Variants in SYT10 observed in about 807,000 individuals in gnomAD.
SYT10 encodes synaptotagmin 10.
SYT10 carries 31 observed loss-of-function variants against 51.1 expected under a neutral mutation model. The observed-to-expected ratio is 0.61, with a 90% CI of 0.46 to 0.82. SYT10 has a LOEUF of 0.82. SYT10 is among the 40% of genes least tolerant of loss of function. The probability of loss-of-function intolerance (pLI) is 0.00; values close to 1 mark genes in which losing one functional copy is unlikely to be tolerated. For missense variants in SYT10, 603 were observed against 634.0 expected (o/e 0.95, Z 0.53); for synonymous variants, 233 against 225.9 (o/e 1.03, Z -0.28).
chr12:33,397,791 G>A (rs917778365), intron 3 of SYT10, among the ~76,000 whole-genome samples: 44 of 152,080 alleles, frequency 2.9e-4, no homozygotes, highest in Admixed American at 5.2e-4. Context: ...CCAAGGAAGA[G>A]AATATGAATC....
At chr12:33,403,929 T>C (rs1372618230) in intron 3 of SYT10, among the ~76,000 whole-genome samples, 2 of 152,222 alleles carry the variant, frequency 1.3e-5, no homozygotes, top group African/African-American at 2.4e-5. Context: ...CATTATTATG[T>C]TCCCAAACAA....
intron 3 of SYT10, 95 bp from the exon 4 acceptor site, chr12:33,385,386 T>G: frequency 6.7e-7 from 1 of 1,494,616 alleles, no homozygotes; most frequent in Non-Finnish European, 9.0e-7. Flanking sequence ...TCATTTTAAA[T>G]TGTTTTATTG....
chr12:33,422,830 T>C (rs890887025), intron 2 of SYT10, among the ~76,000 whole-genome samples: 2 of 152,156 alleles, frequency 1.3e-5, no homozygotes, highest in Non-Finnish European at 2.9e-5. Flanking sequence ...CTGGCACTTG[T>C]AATTCCTTAT....
At chr12:33,401,412 C>T (rs1481270820) in intron 3 of SYT10, among the ~76,000 whole-genome samples, 1 of 152,064 alleles carries the variant, frequency 6.6e-6, no homozygotes, top group Non-Finnish European at 1.5e-5. Context: ...AGGGTGATTG[C>T]TAAAGTGAAA....
chr12:33,425,102 A>C (rs1408801610), intron 2 of SYT10, among the ~76,000 whole-genome samples: 4 of 152,172 alleles, frequency 2.6e-5, no homozygotes, highest in African/African-American at 9.6e-5. Flanking sequence ...CAATTCTAGT[A>C]ACCAATATGA....
At chr12:33,421,246 T>C (rs569133669) in intron 2 of SYT10, among the ~76,000 whole-genome samples, 11 of 152,316 alleles carry the variant, frequency 7.2e-5, no homozygotes, top group Non-Finnish European at 1.0e-4. Context: ...TATTGTAAAT[T>C]CATCAGCACA....
At position 33,390,604 on chromosome 12, in the gene SYT10, T is replaced by C. The variant is rs189465207; in HGVS notation, c.1078-5313A>G. Among the ~76,000 whole-genome samples, 172 of 152,224 alleles carry C rather than the reference T, an allele frequency of 1.1e-3. 1 individual carries two copies. Among genetic ancestry groups the C allele is most frequent in the African/African-American group, 3.5e-3 (147 of 41,534 alleles). ...TAAAATAAATAATTTGCAAGGTAGA[T>C]AGCAAACATGTAAAGTGCCTGGTGT... On this transcript the variant is annotated intron_variant, in intron 3 of 6. Transcript: ENST00000228567.
At position 33,394,655 on chromosome 12, in the gene SYT10, A is replaced by G. The variant is rs529793641; in HGVS notation, c.1078-9364T>C. Among the ~76,000 whole-genome samples, 12 of 152,342 alleles carry G rather than the reference A, an allele frequency of 7.9e-5. No homozygotes were observed. In the South Asian group the frequency reaches 2.5e-3, roughly 32 times the overall value. Reference sequence around the variant, plus strand: ...ATTACAAATCTCTTTTTGTGGATGAAGAAATAATTTCAGAAATGTTAAGCA... The same window carrying G: ...ATTACAAATCTCTTTTTGTGGATGAGGAAATAATTTCAGAAATGTTAAGCA... On this transcript the variant is annotated intron_variant, in intron 3 of 6. Coordinates refer to ENST00000228567, the MANE Select transcript of SYT10 (RefSeq NM_198992.4).
At chr12:33,384,523 T>C (rs1318905810) in intron 4 of SYT10, among the ~76,000 whole-genome samples, 1 of 152,170 alleles carries the variant, frequency 6.6e-6, no homozygotes, top group African/African-American at 2.4e-5. Context: ...TGTGCCAGTG[T>C]TTATGTATTA....
At position 33,376,744 on chromosome 12, in the gene SYT10, T is replaced by C; in HGVS notation, c.*86A>G. 6.8e-7 allele frequency: 1 copy of C among 1,473,402 alleles called. No homozygotes were observed. The highest frequency in any genetic ancestry group is 1.2e-5 in the South Asian group (1 of 85,840). 91.3% of individuals were successfully genotyped at this position (1,473,402 alleles called of 1,614,324 possible). ...TTCATTAGTACGGATATATTTCAAA[T>C]GAGGAAACCAAACCTTCCACTTTTT... On this transcript the variant is annotated 3_prime_UTR_variant, in exon 7 of 7. Transcript: ENST00000228567.
At chr12:33,381,902 T>C (rs1225711185) in intron 5 of SYT10, among the ~76,000 whole-genome samples, 4 of 152,204 alleles carry the variant, frequency 2.6e-5, no homozygotes, top group East Asian at 1.9e-4. Context: ...TTCACAGTTC[T>C]GTATGATGCT....
chr12:33,383,813 C>T lies in SYT10; in HGVS notation c.1199-1293G>A, dbSNP rs372180762. Among the ~76,000 whole-genome samples the T allele has an allele frequency of 1.2e-4, 18 of 152,186 alleles. No individual in the cohort carries two copies. The East Asian group carries it at 1.7e-3, about 15-fold the overall frequency. On this transcript the variant is annotated intron_variant, in intron 4 of 6. Coordinates refer to ENST00000228567, the MANE Select transcript of SYT10 (RefSeq NM_198992.4). ...AATGAGGAGGTGCTCTCAAAGCATG[C>T]GCTCCTCCGATGAAAAGTTTCATAT... is the stretch of plus-strand genomic sequence containing the variant.
chr12:33,397,718 A>G (rs1479912905), intron 3 of SYT10, among the ~76,000 whole-genome samples: 4 of 152,080 alleles, frequency 2.6e-5, no homozygotes, highest in Non-Finnish European at 5.9e-5. Flanking sequence ...GAAAGGGAAG[A>G]GAGCCCTCTT....
chr12:33,421,415 T>C (rs1484599680), intron 2 of SYT10, among the ~76,000 whole-genome samples: 1 of 152,216 alleles, frequency 6.6e-6, no homozygotes, highest in Non-Finnish European at 1.5e-5. Flanking sequence ...ATTTTGCCAG[T>C]TACTATTCAC....
Position 33,439,714 on chromosome 12 carries a change from G to A in SYT10, c.-192C>T. The stretch of plus-strand genomic sequence containing the variant: ...CATGGCGGGAGCGGAGGGCGTAGGG[G>A]AAGGAGAGGCGCGCGAGGAGGCTGC... On this transcript the variant is annotated 5_prime_UTR_variant, in exon 1 of 7. Transcript: ENST00000228567. 1 of 643,284 alleles carries A rather than the reference G, an allele frequency of 1.6e-6. No homozygotes were observed. The highest frequency in any genetic ancestry group is 2.5e-6 in the Non-Finnish European group (1 of 397,028). 39.8% of individuals were successfully genotyped at this position (643,284 alleles called of 1,614,324 possible). A position where few individuals can be genotyped will look rare whatever the true frequency, so the allele number is the denominator to read the frequency against.
Position 33,385,247 on chromosome 12 carries a change from T to C in SYT10, c.1122A>G (p.Leu374=), listed in dbSNP as rs755922945. Residue 374 remains leucine, a synonymous_variant, in exon 4 of 7, where the codon CTA becomes CTG. Transcript: ENST00000228567. The part of the protein sequence containing the change: ...LGEIMFSLCY[L]PTAGRMTLTV... Reference sequence around the variant, plus strand: ...TCAATGTCATACGCCCAGCCGTCGGTAGGTAACAAAGGGAAAACATGATTT... The same window carrying C: ...TCAATGTCATACGCCCAGCCGTCGGCAGGTAACAAAGGGAAAACATGATTT... The C allele has an allele frequency of 6.2e-7, 1 of 1,613,742 alleles. No individual in the cohort carries two copies. Among genetic ancestry groups the C allele is most frequent in the South Asian group, 1.1e-5 (1 of 91,078 alleles).
intron 2 of SYT10, among the ~76,000 whole-genome samples, chr12:33,422,495 AT>A (rs1207988821): frequency 2.0e-5 from 3 of 151,280 alleles, no homozygotes; most frequent in South Asian, 2.1e-4. Context: ...TGCTACAAAT[AT>A]TTTTTTTTGA....
chr12:33,436,462 C>T (rs867611387), intron 1 of SYT10, among the ~76,000 whole-genome samples: 2 of 152,050 alleles, frequency 1.3e-5, no homozygotes, highest in Non-Finnish European at 2.9e-5. Context: ...ATAAACTACG[C>T]CAAAAGAGTA....
At chr12:33,410,307 G>T (rs1248617211) in intron 2 of SYT10, among the ~76,000 whole-genome samples, 1 of 152,074 alleles carries the variant, frequency 6.6e-6, no homozygotes, top group African/African-American at 2.4e-5. Flanking sequence ...ATTCTCTTAC[G>T]TTTAATTTGC....
Sources: allele counts gnomAD v4.1 joint callset (sites outside exome capture counted in the v4.1 genomes callset), GRCh38; gene constraint gnomAD v4.1.1; transcripts MANE v1.5; gene names NCBI Gene and HGNC (gene_info 2026-07-23, HGNC 2026-07-21).